Variants in TSPAN16 observed in about 807,000 individuals in gnomAD.
TSPAN16 encodes tetraspanin 16.
A neutral mutation model predicts 25.2 loss-of-function variants in TSPAN16; 23 were observed. The observed-to-expected ratio is 0.91, with a 90% CI of 0.66 to 1.29. The LOEUF (loss-of-function observed/expected upper bound fraction) is 1.29, where lower values mean the gene tolerates loss of function less well. Ranked by LOEUF, TSPAN16 falls within the 50% of genes most tolerant of loss-of-function variation. The pLI is 0.00. For missense variants in TSPAN16, 272 were observed against 299.9 expected, an observed-to-expected ratio of 0.91 and a Z score of 0.69; for synonymous variants, 123 against 124.4, an observed-to-expected ratio of 0.99 and a Z score of 0.08.
chr19:11,303,116 G>C (rs1381486948), intron 4 of TSPAN16, among the ~76,000 whole-genome samples: 4 of 150,216 alleles, frequency 2.7e-5, no homozygotes, highest in Admixed American at 6.6e-5. Flanking sequence ...GAATAGAAAG[G>C]GGGGAAAGGT....
chr19:11,316,118 GTTTT>G, downstream of TSPAN16: 2 of 106,062 alleles, frequency 1.9e-5, no homozygotes, highest in Non-Finnish European at 2.9e-5. Flanking sequence ...TGTGTGTGTG[GTTTT>G]TTTTTTTTTT....
downstream of TSPAN16, among the ~76,000 whole-genome samples, chr19:11,316,869 G>T (rs1192650623): frequency 6.7e-6 from 1 of 150,150 alleles, no homozygotes; most frequent in Non-Finnish European, 1.5e-5. Flanking sequence ...GAGTGCAGTG[G>T]TGTGATCTCG....
intron 2 of TSPAN16, 105 bp from the exon 3 acceptor site, chr19:11,298,766 TG>T: frequency 9.3e-7 from 1 of 1,076,356 alleles, no homozygotes; most frequent in Non-Finnish European, 1.4e-6. Context: ...CAGGGTGGCC[TG>T]GGGTGGAGGG....
chr19:11,312,689 T>C (rs1394375304), intron 6 of TSPAN16, among the ~76,000 whole-genome samples: 1 of 151,896 alleles, frequency 6.6e-6, no homozygotes, highest in East Asian at 1.9e-4. Flanking sequence ...CACTTGAGCC[T>C]GGGATATCAA....
At chr19:11,297,220 T>G (rs1317062500) in intron 1 of TSPAN16, among the ~76,000 whole-genome samples, 2 of 152,138 alleles carry the variant, frequency 1.3e-5, no homozygotes, top group Non-Finnish European at 2.9e-5. Flanking sequence ...CCCAGCACTT[T>G]GGGAGGCCGA....
chr19:11,319,053 A>T (rs2080763036), downstream of TSPAN16, among the ~76,000 whole-genome samples: 1 of 152,208 alleles, frequency 6.6e-6, no homozygotes, highest in Non-Finnish European at 1.5e-5. Context: ...TCTACAATTC[A>T]GTTCTGACAC....
At chr19:11,319,320 C>A (rs2080764196), downstream of TSPAN16, among the ~76,000 whole-genome samples, 1 of 152,118 alleles carries the variant, frequency 6.6e-6, no homozygotes, top group Non-Finnish European at 1.5e-5. Flanking sequence ...ACAACTCAGG[C>A]CAGGCGCAGT....
In TSPAN16 at chr19:11,296,189, A is replaced by T. The variant is rs2080476047; in HGVS notation, c.-109A>T. 1 of 1,171,976 alleles carries T rather than the reference A, an allele frequency of 8.5e-7. No homozygotes were observed. The allele number at this position is 1,171,976 out of a possible 1,614,324, so 72.6% of individuals were successfully genotyped here. A position where few individuals can be genotyped will look rare whatever the true frequency, so the allele number is the denominator to read the frequency against. ...AGCCAGGACACAGAGGGGCAGAGCAAGTCAGCATTGGCGCCCCTTCCTCAG... is the reference window on the plus strand; with the variant it reads ...AGCCAGGACACAGAGGGGCAGAGCATGTCAGCATTGGCGCCCCTTCCTCAG... On this transcript the variant is annotated 5_prime_UTR_variant, in exon 1 of 7. In the 5' UTR this introduces an upstream ATG that the reference lacks. Coordinates refer to ENST00000590327, the MANE Select transcript of TSPAN16 (RefSeq NM_001282509.2).
intron 6 of TSPAN16, among the ~76,000 whole-genome samples, chr19:11,313,809 A>ATGTTGTTTAACATTTGT (rs2080718539): frequency 6.6e-6 from 1 of 152,212 alleles, no homozygotes; most frequent in African/African-American, 2.4e-5. Context: ...ATTTCCTAAA[A>ATGTTGTTTAACATTTGT]TGTTAAACAC....
At position 11,326,629 on chromosome 19, in the gene TSPAN16, G is replaced by C. The variant is rs564701867; in HGVS notation, c.688-165G>C. 2.6e-5 allele frequency among the ~76,000 whole-genome samples: 4 copies of C among 152,248 alleles called. 1 individual carries two copies. In the South Asian group the frequency reaches 8.3e-4, roughly 32 times the overall value. On this transcript the variant is annotated intron_variant, in intron 6 of 6. Coordinates refer to the TSPAN16 transcript ENST00000316737. ...CCATTGCTTTTTTTAAAAGAGAAAC[G>C]GTCTCTCTCTATTGCCCAGGCCGGG... is the stretch of plus-strand genomic sequence containing the variant.
At chr19:11,312,322 TA>T (rs56982210) in intron 6 of TSPAN16, 100 bp downstream of exon 6, 115,271 of 304,256 alleles carry the variant, frequency 0.38, 4,335 homozygotes, top group East Asian at 0.45. Context: ...TGAACAAAAC[TA>T]AAAAAAAAAA....
At chr19:11,319,502 G>A (rs953781957), downstream of TSPAN16, among the ~76,000 whole-genome samples, 6 of 152,148 alleles carry the variant, frequency 3.9e-5, no homozygotes, top group Non-Finnish European at 8.8e-5. Context: ...CGGAGGCTGA[G>A]GCAGAAGAAT....
chr19:11,325,408 C>T, intron 6 of TSPAN16: 3 of 1,462,440 alleles, frequency 2.1e-6, no homozygotes, highest in Non-Finnish European at 9.0e-7. Context: ...CTAGCAGCTG[C>T]AGCTGCTGGG....
At chr19:11,308,394 G>A (rs1049357730) in intron 5 of TSPAN16, among the ~76,000 whole-genome samples, 2 of 152,070 alleles carry the variant, frequency 1.3e-5, no homozygotes, top group Non-Finnish European at 2.9e-5. Context: ...CGCCTCCCAG[G>A]TTCAGGTGAT....
In TSPAN16 at chr19:11,305,538, TAATAAAAATAAAAATAAA is replaced by T. The variant is rs200284233; in HGVS notation, c.451-1046_451-1029del. ...GACAGAGACTGTGTCTCAAAAAAAA[TAATAAAAATAAAAATAAA>T]AATAAAAATAAAAATAAAATCCTTG... On this transcript the variant is annotated intron_variant, in intron 4 of 6. Coordinates refer to ENST00000590327, the MANE Select transcript of TSPAN16 (RefSeq NM_001282509.2). Among the ~76,000 whole-genome samples the T allele has an allele frequency of 6.2e-4, 92 of 149,522 alleles. 2 individuals carry two copies. The highest frequency in any genetic ancestry group is 6.8e-3 in the Middle Eastern group (2 of 292).
At chr19:11,302,667 A>ATATATGTGTG (rs71164182) in intron 4 of TSPAN16, among the ~76,000 whole-genome samples, 27 of 124,816 alleles carry the variant, frequency 2.2e-4, no homozygotes, top group African/African-American at 8.9e-4. Context: ...ATACATATAT[A>ATATATGTGTG]TATATATATA....
intron 4 of TSPAN16, among the ~76,000 whole-genome samples, chr19:11,304,771 G>A (rs1201441694): frequency 2.0e-5 from 3 of 151,888 alleles, no homozygotes; most frequent in Admixed American, 6.6e-5. Flanking sequence ...TGATCTGTCC[G>A]CCTCGGCCTC....
At chr19:11,325,712 T>C (rs2080808770) in intron 6 of TSPAN16, 1 of 830,618 alleles carries the variant, frequency 1.2e-6, no homozygotes, top group African/African-American at 1.7e-5. Flanking sequence ...CTTGGTTGTG[T>C]GCCTTTGCCA....
chr19:11,315,371 C>T (rs1421187327), intron 6 of TSPAN16, among the ~76,000 whole-genome samples: 2 of 149,898 alleles, frequency 1.3e-5, no homozygotes, highest in African/African-American at 2.4e-5. Flanking sequence ...TCCTGGCTAA[C>T]ACAATAAAAC....
Sources: gnomAD v4.1 joint callset for allele counts (sites outside exome capture counted in the v4.1 genomes callset) on GRCh38, gnomAD v4.1.1 for gene constraint, MANE v1.5 for transcripts, NCBI Gene and HGNC (gene_info 2026-07-23, HGNC 2026-07-21) for gene names.